PHACTR2: variants seen among roughly 807,000 people sequenced by gnomAD.
PHACTR2 encodes chromosome 6 open reading frame 56.
A neutral mutation model predicts 76.0 loss-of-function variants in PHACTR2; 30 were observed. That is an observed-to-expected ratio of 0.39 (90% CI 0.30 to 0.54). The LOEUF is 0.54. Among genes scored for constraint, PHACTR2 ranks in the 20% least tolerant of loss-of-function variants. The pLI is 0.61. For synonymous variants in PHACTR2, 292 were observed against 292.5 expected (o/e 1.00, Z 0.02); for missense variants, 696 against 781.1 (o/e 0.89, Z 1.30).
At chr6:143,711,984 A>G (rs1778185210) in intron 1 of PHACTR2, 32 bp from the exon 2 acceptor site, 10 of 1,601,122 alleles carry the variant, frequency 6.2e-6, no homozygotes, top group Non-Finnish European at 8.5e-6. Flanking sequence ...CTTTTTTACA[A>G]CCTTTCTCTG....
At chr6:143,713,472 A>G (rs1208493051) in intron 2 of PHACTR2, among the ~76,000 whole-genome samples, 1 of 152,198 alleles carries the variant, frequency 6.6e-6, no homozygotes, top group East Asian at 1.9e-4. Flanking sequence ...GAGAAAGAAG[A>G]GAAACTTGGC....
Position 143,712,182 on chromosome 6 carries a change from A to T in PHACTR2, c.213A>T (p.Ala71=). ...GCGACAAATTTAGAGAAACCTCGGC[A>T]GGTATGAGTATCATAACTTGTTAGA... ...KTSDKFRETS[A]VLERKISTRQ... Residue 71 remains alanine, a splice_region_variant and synonymous_variant, in exon 2 of 13, where the codon GCA becomes GCT. Coordinates refer to ENST00000440869, the MANE Select transcript of PHACTR2 (RefSeq NM_001100164.2). The T allele has an allele frequency of 6.7e-7, 1 of 1,494,646 alleles. No homozygotes were observed. Among genetic ancestry groups the T allele is most frequent in the Non-Finnish European group, 8.9e-7 (1 of 1,123,174 alleles). The allele number at this position is 1,494,646 out of a possible 1,614,324, so 92.6% of individuals were successfully genotyped here.
chr6:143,796,573 C>G (rs1008123507), intron 11 of PHACTR2, among the ~76,000 whole-genome samples: 3 of 152,044 alleles, frequency 2.0e-5, no homozygotes, highest in African/African-American at 7.2e-5. Flanking sequence ...TCCCCCACCC[C>G]CTACAGGCCC....
intron 1 of PHACTR2, among the ~76,000 whole-genome samples, chr6:143,711,616 G>A (rs1007933105): frequency 5.3e-5 from 8 of 152,182 alleles, no homozygotes; most frequent in Non-Finnish European, 1.0e-4. Context: ...CACCATAACT[G>A]TAATATTCAT....
Position 143,623,205 on chromosome 6 carries a change from A to G in PHACTR2, c.13+14883A>G, listed in dbSNP as rs1354635096. On this transcript the variant is annotated intron_variant, in intron 1 of 11. Coordinates refer to the PHACTR2 transcript ENST00000305766. The surrounding 1 kb of genome is among the most constrained non-coding windows in gnomAD (Gnocchi z 5.9). The stretch of plus-strand genomic sequence containing the variant: ...TTAATAAATTAAATATTGTTATAAG[A>G]AAAAAGCCAAATTACCTTCCCTAGA... 2.6e-5 allele frequency among the ~76,000 whole-genome samples: 4 copies of G among 152,196 alleles called. No homozygotes were observed. Among genetic ancestry groups the G allele is most frequent in the Admixed American group, 6.5e-5 (1 of 15,278 alleles).
Position 143,611,772 on chromosome 6 carries a change from G to A in PHACTR2, c.13+3450G>A, listed in dbSNP as rs1403783490. Among the ~76,000 whole-genome samples, 4 of 152,166 alleles carry A rather than the reference G, an allele frequency of 2.6e-5. No individual in the cohort carries two copies. The highest frequency in any genetic ancestry group is 5.9e-5 in the Non-Finnish European group (4 of 68,030). ...GTGGTGTGGATGACAGTGTGGGAAA[G>A]TGAGCAATTCTGAGCAAAGAGACTA... On this transcript the variant is annotated intron_variant, in intron 1 of 11. Coordinates refer to the PHACTR2 transcript ENST00000305766. The surrounding 1 kb of genome is among the most constrained non-coding windows in gnomAD (Gnocchi z 4.4).
chr6:143,616,528 A>C lies in PHACTR2; in HGVS notation c.13+8206A>C, dbSNP rs1776060825. 6.6e-6 allele frequency among the ~76,000 whole-genome samples: 1 copy of C among 151,918 alleles called. No individual in the cohort carries two copies. ...CCTAGAACGCCTTCTCCTCCTTGCCATTCAGTCGTTAATTCATCCATACAT... is the reference window on the plus strand; with the variant it reads ...CCTAGAACGCCTTCTCCTCCTTGCCCTTCAGTCGTTAATTCATCCATACAT... On this transcript the variant is annotated intron_variant, in intron 1 of 11. Transcript: ENST00000305766. This position sits in a 1 kb window ranked among gnomAD's most constrained non-coding sequence, Gnocchi z 4.9.
chr6:143,770,188 C>T (rs1775065980), intron 6 of PHACTR2, among the ~76,000 whole-genome samples: 1 of 152,176 alleles, frequency 6.6e-6, no homozygotes, highest in African/African-American at 2.4e-5. Context: ...CAGATTCTCA[C>T]ACATGCTACG....
At chr6:143,640,223 C>T (rs533222440) in intron 1 of PHACTR2, among the ~76,000 whole-genome samples, 1 of 152,252 alleles carries the variant, frequency 6.6e-6, no homozygotes, top group South Asian at 2.1e-4. Flanking sequence ...GTCTATGTTA[C>T]CGGTTTGTGG....
rs1776085578 is a variant in PHACTR2 at position 143,618,087 on chromosome 6, G to C, written c.13+9765G>C. ...AGGTACATTATTAGACCCCCAAATA[G>C]CACTGCTATGATTTAATCATCACTA... On this transcript the variant is annotated intron_variant, in intron 1 of 11. Transcript: ENST00000305766. This position sits in a 1 kb window ranked among gnomAD's most constrained non-coding sequence, Gnocchi z 5.2. Among the ~76,000 whole-genome samples the C allele has an allele frequency of 6.6e-6, 1 of 152,102 alleles. No individual in the cohort carries two copies. The highest frequency in any genetic ancestry group is 1.5e-5 in the Non-Finnish European group (1 of 68,026).
rs777869188 is a variant in PHACTR2 at position 143,760,516 on chromosome 6, C to T, written c.570C>T (p.Ala190=). Residue 190 remains alanine (A), a synonymous_variant, in exon 5 of 13, where the codon GCC becomes GCT. Transcript: ENST00000440869. The surrounding 1 kb of genome is among the most constrained non-coding windows in gnomAD (Gnocchi z 6.4). ...AATCACCTGTGCCTCCGAAAGGGGC[C>T]ACTGCTGGGGCCAGCCACAAAGGTG... is the stretch of plus-strand genomic sequence containing the variant. ...PKKSPVPPKG[A]TAGASHKGDE... is the part of the protein sequence containing the mutation. 1.9e-6 allele frequency: 3 copies of T among 1,613,792 alleles called. No homozygotes were observed. The African/African-American group carries it at 4.0e-5, about 22-fold the overall frequency.
In PHACTR2 at chr6:143,583,894, G is replaced by T. The variant is rs1247831382; in HGVS notation, c.217+46687G>T. Among the ~76,000 whole-genome samples the T allele has an allele frequency of 6.6e-6, 1 of 152,232 alleles. No homozygotes were observed. Among genetic ancestry groups the T allele is most frequent in the Admixed American group, 6.5e-5 (1 of 15,286 alleles). ...TCCAGAATTCTGAGAGGTCTAGAGT[G>T]CTGGGACGGTGTCTTATTTATCTCT... On this transcript the variant is annotated intron_variant, in intron 1 of 11. Coordinates refer to the PHACTR2 transcript ENST00000367584. The surrounding 1 kb of genome is among the most constrained non-coding windows in gnomAD (Gnocchi z 4.0).
rs1321238970 is a variant in PHACTR2 at position 143,589,400 on chromosome 6, C to G, written c.217+52193C>G. On this transcript the variant is annotated intron_variant, in intron 1 of 11. Coordinates refer to the PHACTR2 transcript ENST00000367584. This position sits in a 1 kb window ranked among gnomAD's most constrained non-coding sequence, Gnocchi z 4.4. ...CCTGCTCCAGCCATGTAAGACGTGC[C>G]TGCTTCCTCTTTGCCTTTTGCCATG... is the stretch of plus-strand genomic sequence containing the variant. Among the ~76,000 whole-genome samples the G allele has an allele frequency of 6.6e-6, 1 of 152,196 alleles. No homozygotes were observed. Among genetic ancestry groups the G allele is most frequent in the Non-Finnish European group, 1.5e-5 (1 of 68,028 alleles).
In PHACTR2 at chr6:143,811,158, C is replaced by T. The variant is rs906437152; in HGVS notation, c.1922+4025C>T. Among the ~76,000 whole-genome samples, 5 of 152,114 alleles carry T rather than the reference C, an allele frequency of 3.3e-5. No homozygotes were observed. The highest frequency in any genetic ancestry group is 7.4e-5 in the Non-Finnish European group (5 of 68,008). ...GTGTATGATTCAGAAAGTAAACTAA[C>T]TTTACTTTTTTCTAAATCAGTAGTT... On this transcript the variant is annotated intron_variant, in intron 12 of 12. Transcript: ENST00000440869. The surrounding 1 kb of genome is among the most constrained non-coding windows in gnomAD (Gnocchi z 4.1).
intron 1 of PHACTR2, among the ~76,000 whole-genome samples, chr6:143,545,037 A>G (rs1781212698): frequency 6.6e-6 from 1 of 151,606 alleles, no homozygotes; most frequent in South Asian, 2.1e-4. Flanking sequence ...TCTGCCTCCC[A>G]TGTTCAAGCG....
At position 143,618,641 on chromosome 6, in the gene PHACTR2, C is replaced by A. The variant is rs956180226; in HGVS notation, c.13+10319C>A. Among the ~76,000 whole-genome samples the A allele has an allele frequency of 6.6e-6, 1 of 151,828 alleles. No individual in the cohort carries two copies. The highest frequency in any genetic ancestry group is 1.9e-4 in the East Asian group (1 of 5,160). ...TAGGGGTTGAATGTTTCCCTAACTG[C>A]CCCTCCTGCTCCAGCCCCCACCATT... On this transcript the variant is annotated intron_variant, in intron 1 of 11. Transcript: ENST00000305766. The surrounding 1 kb of genome is among the most constrained non-coding windows in gnomAD (Gnocchi z 5.2).
intron 2 of PHACTR2, among the ~76,000 whole-genome samples, chr6:143,736,796 G>T (rs1435626310): frequency 1.3e-5 from 2 of 151,422 alleles, no homozygotes; most frequent in Admixed American, 1.3e-4. Flanking sequence ...GGATGGTCTC[G>T]ATCTCCTGAC....
intron 1 of PHACTR2, among the ~76,000 whole-genome samples, chr6:143,579,764 A>AACT (rs35053467): frequency 0.2 from 30,235 of 151,844 alleles, 3,046 homozygotes; most frequent in Middle Eastern, 0.33. Flanking sequence ...CTGTATGAAA[A>AACT]ACTACCCTAC....
chr6:143,669,566 T>G (rs1479125881), intron 1 of PHACTR2, among the ~76,000 whole-genome samples: 1 of 152,224 alleles, frequency 6.6e-6, no homozygotes, highest in African/African-American at 2.4e-5. Flanking sequence ...CTATATTTTG[T>G]GCATATATAT....
Sources: allele counts gnomAD v4.1 joint callset (sites outside exome capture counted in the v4.1 genomes callset), GRCh38; gene constraint gnomAD v4.1.1; non-coding constraint Gnocchi (gnomAD v3.1); transcripts MANE v1.5; gene names NCBI Gene and HGNC (gene_info 2026-07-23, HGNC 2026-07-21).